The following SLC13A4 variants were observed in gnomAD, a reference collection of about 807,000 sequenced individuals.
SLC13A4 encodes the protein Na(+)/sulfate cotransporter SUT-1.
Under a neutral mutation model 72.7 loss-of-function variants are expected in SLC13A4, and 28 were observed. The ratio of observed to expected loss-of-function variants is 0.39; its 90% CI spans 0.29 to 0.53. The LOEUF (loss-of-function observed/expected upper bound fraction) is 0.53. Ranked by LOEUF, SLC13A4 falls within the 20% of genes least tolerant of loss-of-function variation. The pLI, the probability that SLC13A4 is intolerant of heterozygous loss-of-function variation, is 0.78. For synonymous variants in SLC13A4, 312 were observed against 325.5 expected, an observed-to-expected ratio of 0.96 and a Z score of 0.45; for missense variants, 653 against 788.0, an observed-to-expected ratio of 0.83 and a Z score of 2.05.
chr7:135,708,802 C>T (rs931375226), intron 2 of SLC13A4, among the ~76,000 whole-genome samples: 1 of 151,692 alleles, frequency 6.6e-6, no homozygotes, highest in African/African-American at 2.4e-5. Flanking sequence ...TCCATTTTTC[C>T]TATACCTATA....
chr7:135,683,818 A>G lies in SLC13A4; in HGVS notation c.1746+306T>C, dbSNP rs149517549. On this transcript the variant is annotated intron_variant, in intron 15 of 15. Coordinates refer to ENST00000682651, the MANE Select transcript of SLC13A4 (RefSeq NM_001318192.2). Reference sequence around the variant, plus strand: ...CTCCACTGGCCTAATGAAGAAACGAAGGCAAAACTTGTTTGCACAGGCTCA... The same window carrying G: ...CTCCACTGGCCTAATGAAGAAACGAGGGCAAAACTTGTTTGCACAGGCTCA... The G allele has an allele frequency of 3.7e-5, 36 of 981,926 alleles. No homozygotes were observed. The East Asian group carries it at 3.6e-3, about 99-fold the overall frequency. 60.8% of individuals were successfully genotyped at this position (981,926 alleles called of 1,614,324 possible).
At chr7:135,685,877 A>G (rs1041683149) in intron 13 of SLC13A4, among the ~76,000 whole-genome samples, 194 bp from the exon 14 acceptor site, 2 of 152,202 alleles carry the variant, frequency 1.3e-5, no homozygotes, top group Non-Finnish European at 2.9e-5. Context: ...ATTGGTTTTT[A>G]TGATTGCACA....
intron 2 of SLC13A4, among the ~76,000 whole-genome samples, chr7:135,713,703 C>G (rs187585468): frequency 7.9e-5 from 12 of 152,098 alleles, no homozygotes; most frequent in African/African-American, 2.9e-4. Context: ...TCAGCCTTCC[C>G]GGTAGCTATG....
chr7:135,726,962 C>T (rs979978235), intron 1 of SLC13A4, among the ~76,000 whole-genome samples: 1 of 152,206 alleles, frequency 6.6e-6, no homozygotes, highest in African/African-American at 2.4e-5. Context: ...CCTCCCCCAA[C>T]CTTCTCCTCA....
rs1360338933 is a variant in SLC13A4, at chr7:135,721,394, C to T, written c.228+1G>A. Reference sequence around the variant, plus strand: ...GGGGGTGGGGCTACAAGTAGTCTAACCTCATTGGACCGGAGGACTCCGAAG... The same window carrying T: ...GGGGGTGGGGCTACAAGTAGTCTAATCTCATTGGACCGGAGGACTCCGAAG... On this transcript the variant is annotated splice_donor_variant, in intron 2 of 15. Coordinates refer to ENST00000682651, the MANE Select transcript of SLC13A4 (RefSeq NM_001318192.2). LOFTEE classifies it high-confidence loss of function. 3 of 1,613,844 alleles carry T rather than the reference C, an allele frequency of 1.9e-6. No homozygotes were observed. In the African/African-American group the frequency reaches 4.0e-5, roughly 22 times the overall value.
At chr7:135,709,415 C>CTTTTTT (rs367573939) in intron 2 of SLC13A4, among the ~76,000 whole-genome samples, 1 of 54,650 alleles carries the variant, frequency 1.8e-5, no homozygotes, top group African/African-American at 5.4e-5. Context: ...TCCTTTCTTT[C>CTTTTTT]TTTTTTTTTT....
intron 2 of SLC13A4, among the ~76,000 whole-genome samples, chr7:135,717,646 G>C (rs1796458447): frequency 6.6e-6 from 1 of 152,188 alleles, no homozygotes; most frequent in South Asian, 2.1e-4. Context: ...CTGGCTGACA[G>C]ATCACCACTG....
In SLC13A4 at chr7:135,727,398, G is replaced by A. The variant is rs931080628; in HGVS notation, c.99C>T (p.Ser33=). 8 of 1,548,974 alleles carry A rather than the reference G, an allele frequency of 5.2e-6. No homozygotes were observed. Among genetic ancestry groups the A allele is most frequent in the African/African-American group, 1.4e-5 (1 of 72,924 alleles). Residue 33 remains serine (S), a splice_region_variant and synonymous_variant, in exon 1 of 16, where the codon AGC becomes AGT. Transcript: ENST00000682651. ...CCGGTGGGCGCAGGTCGGTACTCAC[G>A]CTGCTGGGGTGGAGGACGGGCAGAG... ...LLPLPVLHPS[S]EASCAYVLIV... is the part of the protein sequence containing the mutation.
chr7:135,717,027 C>T (rs1182210479), intron 2 of SLC13A4, among the ~76,000 whole-genome samples: 1 of 152,144 alleles, frequency 6.6e-6, no homozygotes, highest in African/African-American at 2.4e-5. Flanking sequence ...TCTTCCTGTC[C>T]GCATGTCTCA....
intron 2 of SLC13A4, among the ~76,000 whole-genome samples, chr7:135,711,565 A>G (rs910470722): frequency 1.3e-5 from 2 of 152,164 alleles, no homozygotes; most frequent in African/African-American, 4.8e-5. Flanking sequence ...CTGGGGGTTT[A>G]GGGAGCATCT....
chr7:135,719,781 A>ATGTGTGTGTGTGTG (rs968225969), intron 2 of SLC13A4, among the ~76,000 whole-genome samples: 109 of 146,114 alleles, frequency 7.5e-4, no homozygotes, highest in African/African-American at 2.7e-3. Context: ...TCAATGCCAC[A>ATGTGTGTGTGTGTG]TGTGTGTGTG....
At chr7:135,683,391 C>T in intron 15 of SLC13A4, 3 of 977,144 alleles carry the variant, frequency 3.1e-6, no homozygotes, top group Non-Finnish European at 3.6e-6. Context: ...CTATTTGTTA[C>T]TTTACAGGGC....
chr7:135,705,982 A>T, intron 4 of SLC13A4, 146 bp downstream of exon 4: 1 of 634,874 alleles, frequency 1.6e-6, no homozygotes, highest in Non-Finnish European at 2.5e-6. Context: ...AAGAGGAGAG[A>T]GGGAAGAGGA....
intron 2 of SLC13A4, among the ~76,000 whole-genome samples, chr7:135,712,461 TAAAA>T (rs539587817): frequency 2.4e-5 from 3 of 122,978 alleles, no homozygotes; most frequent in African/African-American, 6.2e-5. Flanking sequence ...TTTTCTCATC[TAAAA>T]AAAAAAAAAA....
intron 2 of SLC13A4, among the ~76,000 whole-genome samples, chr7:135,716,592 C>T (rs1167622090): frequency 2.6e-5 from 4 of 152,202 alleles, no homozygotes; most frequent in African/African-American, 4.8e-5. Context: ...GGATTACAGG[C>T]GTGAGCCACA....
chr7:135,699,099 C>G (rs543914820), intron 8 of SLC13A4, among the ~76,000 whole-genome samples: 1 of 152,172 alleles, frequency 6.6e-6, no homozygotes, highest in South Asian at 2.1e-4. Context: ...TGTCACCATG[C>G]TCAGCTAATT....
Position 135,685,556 on chromosome 7 carries a change from G to A in SLC13A4, c.1574C>T (p.Thr525Ile), listed in dbSNP as rs1174441581. 1 of 1,614,074 alleles carries A rather than the reference G, an allele frequency of 6.2e-7. No homozygotes were observed. Among genetic ancestry groups the A allele is most frequent in the African/African-American group, 1.3e-5 (1 of 74,930 alleles). The change falls in exon 14 of 16, where the codon ACC (threonine) becomes ATC (isoleucine). Residue 525 changes from threonine to isoleucine, a missense_variant. Thr to Ile is a moderately conservative substitution (Grantham distance 89). Coordinates refer to ENST00000682651, the MANE Select transcript of SLC13A4 (RefSeq NM_001318192.2). ...CAGGATGGGCAGGAAGATGGTGATG[G>A]TTGCTGGGTTGCTCACAAACTCAGT... The part of the protein sequence containing the change: ...IVTEFVSNPA[T>I]ITIFLPILCS...
At chr7:135,715,039 T>C (rs1451823255) in intron 2 of SLC13A4, among the ~76,000 whole-genome samples, 2 of 144,612 alleles carry the variant, frequency 1.4e-5, no homozygotes, top group African/African-American at 5.3e-5. Context: ...TGAATGTGTG[T>C]GAGGGTATGA....
At chr7:135,711,793 T>C (rs546011889) in intron 2 of SLC13A4, among the ~76,000 whole-genome samples, 1 of 152,118 alleles carries the variant, frequency 6.6e-6, no homozygotes, top group African/African-American at 2.4e-5. Context: ...AGAGTTGTTC[T>C]GTGGCCCAGA....
Sources: allele counts gnomAD v4.1 joint callset (sites outside exome capture counted in the v4.1 genomes callset), GRCh38; gene constraint gnomAD v4.1.1; transcripts MANE v1.5; gene names NCBI Gene and HGNC (gene_info 2026-07-23, HGNC 2026-07-21).